Variants in NRG3 observed in about 807,000 individuals in gnomAD.
NRG3 encodes the protein neuregulin 3, also known as pro-neuregulin-3, membrane-bound isoform.
In NRG3, 31 loss-of-function variants were observed where a neutral mutation model predicts 66.9. The observed-to-expected ratio is 0.46, with a 90% CI of 0.35 to 0.63. The LOEUF (loss-of-function observed/expected upper bound fraction) is 0.63, where lower values mean the gene tolerates loss of function less well. NRG3 is among the 20% of genes least tolerant of loss of function. The pLI, the probability that NRG3 is intolerant of heterozygous loss-of-function variation, is 0.00. For missense variants in NRG3, 910 were observed against 878.9 expected (o/e 1.04, Z -0.45); for synonymous variants, 393 against 359.4 (o/e 1.09, Z -1.06).
chr10:82,712,770 C>T (rs573912622), intron 2 of NRG3, among the ~76,000 whole-genome samples: 4 of 151,962 alleles, frequency 2.6e-5, no homozygotes, highest in East Asian at 1.9e-4. Flanking sequence ...TTCTTAGGCA[C>T]GTGGAACATG....
chr10:82,596,529 T>C (rs1319863192), intron 2 of NRG3, among the ~76,000 whole-genome samples: 1 of 152,102 alleles, frequency 6.6e-6, no homozygotes, highest in Non-Finnish European at 1.5e-5. Context: ...GAGTCTTGGA[T>C]GGAGAAAAAA....
intron 4 of NRG3, among the ~76,000 whole-genome samples, chr10:82,900,407 A>G (rs1471158682): frequency 6.6e-6 from 1 of 152,150 alleles, no homozygotes; most frequent in Non-Finnish European, 1.5e-5. Flanking sequence ...CTCCAGCATA[A>G]TACTGTTTAG....
chr10:82,705,931 T>C (rs980380293), intron 2 of NRG3, among the ~76,000 whole-genome samples: 5 of 152,206 alleles, frequency 3.3e-5, no homozygotes, highest in Non-Finnish European at 7.3e-5. Context: ...GTAAAAACTA[T>C]TGATTAAAAT....
At chr10:82,695,122 A>G (rs1301844384) in intron 2 of NRG3, among the ~76,000 whole-genome samples, 2 of 152,184 alleles carry the variant, frequency 1.3e-5, no homozygotes, top group Non-Finnish European at 2.9e-5. Context: ...TTGGACATGC[A>G]GTAAGAATAT....
chr10:82,943,839 A>G (rs1000470050), intron 4 of NRG3, among the ~76,000 whole-genome samples: 3 of 152,212 alleles, frequency 2.0e-5, no homozygotes, highest in African/African-American at 4.8e-5. Flanking sequence ...ATATAGAAAG[A>G]TGAAAAACCA....
chr10:82,087,592 A>G (rs1048281839), intron 1 of NRG3, among the ~76,000 whole-genome samples: 1 of 152,152 alleles, frequency 6.6e-6, no homozygotes, highest in African/African-American at 2.4e-5. Context: ...TACAACATCA[A>G]TGGTATCATA....
intron 3 of NRG3, among the ~76,000 whole-genome samples, chr10:82,860,203 G>C (rs1161539869): frequency 6.6e-6 from 1 of 152,208 alleles, no homozygotes; most frequent in Middle Eastern, 3.2e-3. Flanking sequence ...TCTCCTCGGA[G>C]ACAGATAACA....
chr10:82,087,206 A>G (rs1321557603), intron 1 of NRG3, among the ~76,000 whole-genome samples: 2 of 75,250 alleles, frequency 2.7e-5, no homozygotes, highest in Non-Finnish European at 6.8e-5. Context: ...CCTTTTGACA[A>G]TTGTATTAAG....
intron 4 of NRG3, among the ~76,000 whole-genome samples, chr10:82,920,619 G>A (rs1040738471): frequency 6.6e-6 from 1 of 151,974 alleles, no homozygotes; most frequent in Admixed American, 6.6e-5. Flanking sequence ...ATTTTTACTG[G>A]AGCCAGGGTC....
chr10:82,981,396 G>A (rs1386888900), intron 8 of NRG3, among the ~76,000 whole-genome samples: 2 of 152,178 alleles, frequency 1.3e-5, no homozygotes, highest in African/African-American at 4.8e-5. Context: ...GAATCTCAGG[G>A]AGCAATCTCA....
chr10:82,185,035 A>G (rs1033244456), intron 1 of NRG3, among the ~76,000 whole-genome samples: 2 of 152,146 alleles, frequency 1.3e-5, no homozygotes, highest in East Asian at 3.9e-4. Context: ...TCTATTACCT[A>G]TGACCGTTTG....
At chr10:81,913,731 T>C (rs1006948897) in intron 1 of NRG3, among the ~76,000 whole-genome samples, 3 of 152,100 alleles carry the variant, frequency 2.0e-5, no homozygotes, top group South Asian at 2.1e-4. Context: ...GCCAGCACTT[T>C]TGAAGTAGAG....
chr10:82,476,261 A>C (rs1841773543), intron 2 of NRG3, among the ~76,000 whole-genome samples: 1 of 152,214 alleles, frequency 6.6e-6, no homozygotes, highest in Non-Finnish European at 1.5e-5. Context: ...GCTGGTAAGG[A>C]TGTAAAATGG....
chr10:82,021,346 G>A (rs187833635), intron 1 of NRG3, among the ~76,000 whole-genome samples: 2 of 152,178 alleles, frequency 1.3e-5, no homozygotes, highest in East Asian at 3.9e-4. Flanking sequence ...TTTGAATTAA[G>A]TTAGTTTTCA....
At chr10:82,983,725 G>A (rs555458487) in intron 8 of NRG3, among the ~76,000 whole-genome samples, 2 of 152,294 alleles carry the variant, frequency 1.3e-5, no homozygotes, top group South Asian at 4.1e-4. Context: ...CTGTACAGAT[G>A]TTAGCTGTTG....
At chr10:81,879,993 G>C (rs1842033993) in intron 1 of NRG3, among the ~76,000 whole-genome samples, 1 of 152,170 alleles carries the variant, frequency 6.6e-6, no homozygotes, top group East Asian at 1.9e-4. Context: ...TCAGAGCTCA[G>C]GATCAATATT....
intron 1 of NRG3, among the ~76,000 whole-genome samples, chr10:82,248,103 T>C (rs532018496): frequency 6.6e-6 from 1 of 152,288 alleles, no homozygotes; most frequent in Admixed American, 6.5e-5. Flanking sequence ...TCTTAACTGC[T>C]TGCAATGTAT....
chr10:82,293,852 A>C (rs552875112), intron 1 of NRG3, among the ~76,000 whole-genome samples: 1 of 152,280 alleles, frequency 6.6e-6, no homozygotes, highest in African/African-American at 2.4e-5. Context: ...AAAAATTAAA[A>C]CAAAAAAAGA....
chr10:82,055,320 C>T (rs2063785552), intron 1 of NRG3, among the ~76,000 whole-genome samples: 1 of 150,044 alleles, frequency 6.7e-6, no homozygotes, highest in Admixed American at 6.6e-5. Flanking sequence ...ACTAAAAATA[C>T]AAAAAAAATA....
Sources: gnomAD v4.1 joint callset for allele counts (sites outside exome capture counted in the v4.1 genomes callset) on GRCh38, gnomAD v4.1.1 for gene constraint, MANE v1.5 for transcripts, NCBI Gene and HGNC (gene_info 2026-07-23, HGNC 2026-07-21) for gene names.